Variants in ZNF83 observed in about 807,000 individuals in gnomAD.
ZNF83 encodes zinc finger protein 83.
For missense variants in ZNF83, 552 were observed against 629.9 expected (o/e 0.88, Z 1.32); for synonymous variants, 209 against 213.0 (o/e 0.98, Z 0.17).
intron 2 of ZNF83, chr19:52,618,675 G>A: frequency 1.8e-6 from 1 of 570,864 alleles, no homozygotes; most frequent in Non-Finnish European, 2.8e-6. Context: ...GGGATTACAG[G>A]CATGAGTCAC....
At chr19:52,654,229 C>A in intron 3 of ZNF83, 1 of 1,580,772 alleles carries the variant, frequency 6.3e-7, no homozygotes. Context: ...ATGGCCATTT[C>A]TTTTAATTTC....
At chr19:52,676,310 T>C (rs1052426264) in intron 1 of ZNF83, among the ~76,000 whole-genome samples, 3 of 152,186 alleles carry the variant, frequency 2.0e-5, no homozygotes, top group Non-Finnish European at 4.4e-5. Context: ...TGGAGTGCAG[T>C]GGCCTGATCT....
chr19:52,615,636 A>G (rs762668786), intron 2 of ZNF83, among the ~76,000 whole-genome samples: 2 of 152,152 alleles, frequency 1.3e-5, no homozygotes, highest in Non-Finnish European at 2.9e-5. Flanking sequence ...GGTAAAATAG[A>G]AAGAAGGCAC....
At chr19:52,660,134 CAT>C (rs2147276343) in intron 2 of ZNF83, among the ~76,000 whole-genome samples, 1 of 70,222 alleles carries the variant, frequency 1.4e-5, no homozygotes, top group African/African-American at 4.1e-5. Flanking sequence ...TGGTAAGAAT[CAT>C]GGTGGTAAGA....
chr19:52,618,019 A>T (rs2060380460), intron 2 of ZNF83: 1 of 152,282 alleles, frequency 6.6e-6, no homozygotes, highest in South Asian at 2.1e-4. Flanking sequence ...CTCTCTTCCC[A>T]GAACTACTGA....
chr19:52,669,209 A>G (rs941159533), intron 1 of ZNF83, among the ~76,000 whole-genome samples: 1 of 152,184 alleles, frequency 6.6e-6, no homozygotes, highest in Non-Finnish European at 1.5e-5. Flanking sequence ...TCAACCAGAG[A>G]AAGGAAAAAT....
chr19:52,654,412 T>C (rs975026165), intron 3 of ZNF83: 7 of 1,072,610 alleles, frequency 6.5e-6, no homozygotes, highest in Admixed American at 5.0e-5. Flanking sequence ...ATCTAAAAAA[T>C]ATAAAGACCA....
At chr19:52,652,830 A>G in intron 3 of ZNF83, 1 of 938,952 alleles carries the variant, frequency 1.1e-6, no homozygotes, top group Non-Finnish European at 1.7e-6. Flanking sequence ...CTCCAGTATG[A>G]AGTCTATGAT....
intron 2 of ZNF83, among the ~76,000 whole-genome samples, chr19:52,633,652 G>A (rs2147180060): frequency 6.6e-6 from 1 of 152,332 alleles, no homozygotes; most frequent in Non-Finnish European, 1.5e-5. Context: ...GCTCATGCCT[G>A]TAATTCCAGC....
rs185217263 is a variant in ZNF83, at chr19:52,631,147, C to G, written c.-234+3919G>C. 5.5e-3 allele frequency among the ~76,000 whole-genome samples: 817 copies of G among 147,520 alleles called. 6 individuals carry two copies. Among genetic ancestry groups the G allele is most frequent in the African/African-American group, 0.019 (754 of 40,124 alleles). ...GGGGCTGTACTGCCGCAAGGCTTCA[C>G]AGACAGCCCCCATTACTTCAGTCAA... On this transcript the variant is annotated intron_variant, in intron 2 of 2. Coordinates refer to ENST00000301096, the Ensembl canonical transcript of ZNF83.
At chr19:52,650,855 C>G (rs1246176819) in intron 3 of ZNF83, 1 of 152,134 alleles carries the variant, frequency 6.6e-6, no homozygotes, top group Non-Finnish European at 1.5e-5. Context: ...CTGTTTACTA[C>G]AGCAGAAGAA....
At chr19:52,624,108 T>C (rs1048011005) in intron 2 of ZNF83, among the ~76,000 whole-genome samples, 7 of 152,210 alleles carry the variant, frequency 4.6e-5, no homozygotes, top group Non-Finnish European at 7.3e-5. Flanking sequence ...GCTTCCGGGA[T>C]AGCCCTCATT....
rs552883843 is a variant in ZNF83 at position 52,687,767 on chromosome 19, G to C, written c.-283+2676C>G. Among the ~76,000 whole-genome samples, 11 of 146,986 alleles carry C rather than the reference G, an allele frequency of 7.5e-5. No individual in the cohort carries two copies. In the South Asian group the frequency reaches 1.7e-3, roughly 23 times the overall value. ...TTGACCCCAGGGGGCCAAGGCTGCA[G>C]TTAGAGGAGATCACGCCACTGCACT... On this transcript the variant is annotated intron_variant, in intron 1 of 5. Coordinates refer to the ZNF83 transcript ENST00000594682.
chr19:52,668,549 A>G (rs2061683801), intron 1 of ZNF83, among the ~76,000 whole-genome samples: 1 of 151,984 alleles, frequency 6.6e-6, no homozygotes, highest in Non-Finnish European at 1.5e-5. Context: ...TCCCTCCTCC[A>G]CCTCCTACAG....
upstream of ZNF83, among the ~76,000 whole-genome samples, chr19:52,641,491 TGAA>T (rs1216460749): frequency 2.0e-5 from 3 of 152,338 alleles, no homozygotes; most frequent in Admixed American, 6.5e-5. Context: ...CACACAAAGT[TGAA>T]GAGCATTTCC....
upstream of ZNF83, among the ~76,000 whole-genome samples, chr19:52,640,088 G>A (rs1474688398): frequency 6.6e-6 from 1 of 152,134 alleles, no homozygotes; most frequent in Non-Finnish European, 1.5e-5. Context: ...CCAGAGGGAG[G>A]GGGAAAACCC....
exon 3 of ZNF83, chr19:52,613,645 TG>T: frequency 6.2e-7 from 1 of 1,613,930 alleles, no homozygotes. Flanking sequence ...AATTCTCCAG[TG>T]ATTTACTAGG....
chr19:52,639,420 T>TTTTTTC (rs1221087420), upstream of ZNF83, among the ~76,000 whole-genome samples: 3 of 139,582 alleles, frequency 2.1e-5, no homozygotes, highest in African/African-American at 8.1e-5. Context: ...TTTCTATTTT[T>TTTTTTC]TTTTTTTTTT....
At chr19:52,670,829 A>C (rs547439183) in intron 1 of ZNF83, among the ~76,000 whole-genome samples, 1 of 152,208 alleles carries the variant, frequency 6.6e-6, no homozygotes, top group Admixed American at 6.5e-5. Context: ...GGTAAATTTA[A>C]ACATTTTCTG....
Sources: gnomAD v4.1 joint callset for allele counts (sites outside exome capture counted in the v4.1 genomes callset) on GRCh38, gnomAD v4.1.1 for gene constraint, MANE v1.5 for transcripts, NCBI Gene and HGNC (gene_info 2026-07-23, HGNC 2026-07-21) for gene names.